The following ZFAND3 variants were observed in gnomAD, a reference collection of about 807,000 sequenced individuals.
The protein encoded by ZFAND3 is AN1-type zinc finger protein 3.
A neutral mutation model predicts 29.6 loss-of-function variants in ZFAND3; 10 were observed. The observed-to-expected ratio is 0.34, with a 90% confidence interval of 0.21 to 0.57. The LOEUF is 0.57. Among genes scored for constraint, ZFAND3 ranks in the 20% least tolerant of loss-of-function variants. ZFAND3 has a pLI of 0.86. For missense variants in ZFAND3, 230 were observed against 304.5 expected (o/e 0.76, Z 1.82); for synonymous variants, 128 against 112.6 (o/e 1.14, Z -0.87).
intron 1 of ZFAND3, among the ~76,000 whole-genome samples, chr6:37,823,051 G>A (rs1471877412): frequency 6.6e-6 from 1 of 152,164 alleles, no homozygotes; most frequent in African/African-American, 2.4e-5. Flanking sequence ...ATCAGGGAGT[G>A]ATGTATATCT....
chr6:37,954,145 A>C (rs1235301306), intron 2 of ZFAND3, among the ~76,000 whole-genome samples: 1 of 151,918 alleles, frequency 6.6e-6, no homozygotes, highest in Non-Finnish European at 1.5e-5. Flanking sequence ...GGTGCTTTTA[A>C]AATTTTCTCT....
intron 1 of ZFAND3, among the ~76,000 whole-genome samples, chr6:37,914,672 C>CTTTTTCTTTTTTTT (rs1554157841): frequency 8.8e-6 from 1 of 114,210 alleles, no homozygotes; most frequent in Non-Finnish European, 1.8e-5. Context: ...CTTTTTTTTT[C>CTTTTTCTTTTTTTT]TTTTTTTTTT....
intron 1 of ZFAND3, among the ~76,000 whole-genome samples, chr6:37,896,572 C>CTTT (rs58677123): frequency 2.3e-4 from 5 of 21,294 alleles, no homozygotes; most frequent in Admixed American, 4.4e-4. Flanking sequence ...CTTTCTTTCT[C>CTTT]TCTTTCTCTC....
At chr6:38,053,308 T>TC (rs1554170133) in intron 2 of ZFAND3, among the ~76,000 whole-genome samples, 1 of 151,338 alleles carries the variant, frequency 6.6e-6, no homozygotes, top group Admixed American at 6.6e-5. Flanking sequence ...CTTACAATTT[T>TC]TTTTTTTTTT....
rs535549661 is a variant in ZFAND3, at chr6:37,986,159, C to T, written c.112+56160C>T. Among the ~76,000 whole-genome samples, 343 of 150,450 alleles carry T rather than the reference C, an allele frequency of 2.3e-3. 2 individuals are homozygous for T. Among genetic ancestry groups the T allele is most frequent in the Middle Eastern group, 3.4e-3 (1 of 294 alleles). On this transcript the variant is annotated intron_variant, in intron 2 of 5. Coordinates refer to ENST00000287218, the MANE Select transcript of ZFAND3 (RefSeq NM_021943.3). ...CTTTACAAAATATAATTTTTTTTTTCTTTTTACATTTCTTTGTGGCTCTGG... is the reference window on the plus strand; with the variant it reads ...CTTTACAAAATATAATTTTTTTTTTTTTTTTACATTTCTTTGTGGCTCTGG...
At chr6:37,919,237 C>G (rs150183860) in intron 1 of ZFAND3, among the ~76,000 whole-genome samples, 1 of 152,072 alleles carries the variant, frequency 6.6e-6, no homozygotes, top group Non-Finnish European at 1.5e-5. Flanking sequence ...CGTGAGCCAC[C>G]GCGCCGGGCT....
chr6:37,978,760 G>A (rs1034940210), intron 2 of ZFAND3, among the ~76,000 whole-genome samples: 1 of 152,248 alleles, frequency 6.6e-6, no homozygotes, highest in Non-Finnish European at 1.5e-5. Flanking sequence ...TGCCTCCTGG[G>A]TTCAAGTGAT....
chr6:38,064,526 A>G (rs554724091), intron 3 of ZFAND3, among the ~76,000 whole-genome samples: 62 of 152,316 alleles, frequency 4.1e-4, no homozygotes, highest in African/African-American at 1.4e-3. Flanking sequence ...TTAATTCACA[A>G]TGTGAAATAC....
At chr6:37,835,502 T>C (rs1330839752) in intron 1 of ZFAND3, among the ~76,000 whole-genome samples, 3 of 149,694 alleles carry the variant, frequency 2.0e-5, no homozygotes, top group East Asian at 3.9e-4. Context: ...TCTGGATGAG[T>C]CCTTTTTTAG....
rs1554169471 is a variant in ZFAND3 at position 38,045,236 on chromosome 6, T to TGC, written c.113-16356_113-16355dup. ...CCAAGTACCTGGGATTACAGGTGCA[T>TGC]GCCACTATGCCCGGCTAATTTTTGT... On this transcript the variant is annotated intron_variant, in intron 2 of 5. Transcript: ENST00000287218. Among the ~76,000 whole-genome samples the TGC allele has an allele frequency of 5.6e-3, 848 of 151,888 alleles. 42 individuals are homozygous for TGC. The East Asian group carries it at 0.12, about 22-fold the overall frequency.
At chr6:38,023,022 A>G (rs1358843831) in intron 2 of ZFAND3, among the ~76,000 whole-genome samples, 1 of 152,260 alleles carries the variant, frequency 6.6e-6, no homozygotes, top group Non-Finnish European at 1.5e-5. Context: ...TTTGAAAATA[A>G]GTAAAATCAA....
chr6:37,863,507 A>G (rs1764530927), intron 1 of ZFAND3, among the ~76,000 whole-genome samples: 1 of 152,226 alleles, frequency 6.6e-6, no homozygotes, highest in African/African-American at 2.4e-5. Flanking sequence ...TCAAATGACA[A>G]TAAAGACACA....
chr6:37,908,751 A>G (rs2127404027), intron 1 of ZFAND3, among the ~76,000 whole-genome samples: 1 of 150,852 alleles, frequency 6.6e-6, no homozygotes, highest in African/African-American at 2.4e-5. Context: ...AAGAAAAAAA[A>G]AAAAAAAAAG....
intron 1 of ZFAND3, among the ~76,000 whole-genome samples, chr6:37,849,646 G>C (rs1764247392): frequency 2.0e-5 from 3 of 152,140 alleles, no homozygotes; most frequent in African/African-American, 7.2e-5. Context: ...CTGACGTCAG[G>C]TGATCCACCT....
chr6:37,931,803 G>C (rs969858145), intron 2 of ZFAND3, among the ~76,000 whole-genome samples: 2 of 152,164 alleles, frequency 1.3e-5, no homozygotes, highest in African/African-American at 4.8e-5. Context: ...CATGGTGTAA[G>C]CTTTAGACCG....
chr6:37,956,152 T>G (rs1312079502), intron 2 of ZFAND3, among the ~76,000 whole-genome samples: 1 of 152,198 alleles, frequency 6.6e-6, no homozygotes, highest in Non-Finnish European at 1.5e-5. Context: ...TAGCTAGTAT[T>G]CATTAAATGT....
intron 3 of ZFAND3, among the ~76,000 whole-genome samples, chr6:38,081,563 T>A (rs1764661911): frequency 6.6e-6 from 1 of 152,184 alleles, no homozygotes; most frequent in Non-Finnish European, 1.5e-5. Context: ...GGACCCTTTT[T>A]AAAATAAATG....
At chr6:37,969,685 G>T (rs559455866) in intron 2 of ZFAND3, among the ~76,000 whole-genome samples, 1 of 152,122 alleles carries the variant, frequency 6.6e-6, no homozygotes, top group Non-Finnish European at 1.5e-5. Flanking sequence ...TCAGAGTAGT[G>T]AGTTACTCAG....
intron 4 of ZFAND3, among the ~76,000 whole-genome samples, chr6:38,094,812 C>G (rs143183977): frequency 3.9e-5 from 6 of 152,214 alleles, no homozygotes; most frequent in African/African-American, 1.2e-4. Context: ...ATCCCTTTAT[C>G]CAAACTGCTG....
Sources: gnomAD v4.1 joint callset for allele counts (sites outside exome capture counted in the v4.1 genomes callset) on GRCh38, gnomAD v4.1.1 for gene constraint, MANE v1.5 for transcripts, NCBI Gene and HGNC (gene_info 2026-07-23, HGNC 2026-07-21) for gene names.